The following DNAJC1 variants were observed in gnomAD, a reference collection of about 807,000 sequenced individuals.
The protein encoded by DNAJC1 is dnaJ homolog subfamily C member 1.
In DNAJC1, 58 loss-of-function variants were observed where a neutral mutation model predicts 76.6. That is an observed-to-expected ratio of 0.76 (90% CI 0.61 to 0.94). The LOEUF (loss-of-function observed/expected upper bound fraction) is 0.94. DNAJC1 is among the 40% of genes least tolerant of loss of function. DNAJC1 has a pLI of 0.00. For missense variants in DNAJC1, 689 were observed against 677.3 expected, an observed-to-expected ratio of 1.02 and a Z score of -0.19; for synonymous variants, 258 against 267.9, an observed-to-expected ratio of 0.96 and a Z score of 0.36.
intron 1 of DNAJC1, among the ~76,000 whole-genome samples, chr10:21,997,101 C>T (rs1455707390): frequency 1.3e-5 from 2 of 152,148 alleles, no homozygotes; most frequent in Non-Finnish European, 2.9e-5. Context: ...CTACACTCAA[C>T]ACCACAAGCT....
chr10:21,773,198 T>C (rs1240315274), intron 9 of DNAJC1, among the ~76,000 whole-genome samples: 2 of 152,242 alleles, frequency 1.3e-5, no homozygotes, highest in Non-Finnish European at 1.5e-5. Flanking sequence ...GTTTGTTCTC[T>C]TTCTAGTGTC....
At chr10:21,814,198 G>A (rs1456638090) in intron 8 of DNAJC1, among the ~76,000 whole-genome samples, 1 of 152,070 alleles carries the variant, frequency 6.6e-6, no homozygotes, top group Admixed American at 6.6e-5. Context: ...TCCTTTTACT[G>A]TCTATTAATA....
At chr10:21,797,419 A>G (rs1324460430) in intron 9 of DNAJC1, among the ~76,000 whole-genome samples, 1 of 152,134 alleles carries the variant, frequency 6.6e-6, no homozygotes, top group Admixed American at 6.6e-5. Context: ...AGGTTGTTCT[A>G]GATATTGGGG....
At chr10:21,797,751 T>C (rs1255628658) in intron 9 of DNAJC1, among the ~76,000 whole-genome samples, 1 of 152,192 alleles carries the variant, frequency 6.6e-6, no homozygotes, top group Non-Finnish European at 1.5e-5. Flanking sequence ...TTGTGTGCTC[T>C]CTTGTCCTTC....
At chr10:21,932,152 C>G (rs1290485572) in intron 1 of DNAJC1, among the ~76,000 whole-genome samples, 1 of 152,032 alleles carries the variant, frequency 6.6e-6, no homozygotes, top group Admixed American at 6.5e-5. Flanking sequence ...GCCTGAGCAA[C>G]ATGGAAAAAC....
chr10:21,980,222 GTTCTGTCCA>G (rs1181358949), intron 1 of DNAJC1, among the ~76,000 whole-genome samples: 1 of 151,958 alleles, frequency 6.6e-6, no homozygotes, highest in African/African-American at 2.4e-5. Flanking sequence ...ATATTTCCTA[GTTCTGTCCA>G]TTAAGAAGTA....
chr10:21,834,382 T>C (rs543817086), intron 8 of DNAJC1, among the ~76,000 whole-genome samples: 1 of 152,340 alleles, frequency 6.6e-6, no homozygotes, highest in South Asian at 2.1e-4. Context: ...GGTCTACAGC[T>C]ACCAGCGTGA....
chr10:21,994,949 T>C (rs934568717), intron 1 of DNAJC1, among the ~76,000 whole-genome samples: 1 of 148,496 alleles, frequency 6.7e-6, no homozygotes, highest in Non-Finnish European at 1.5e-5. Context: ...ATATTATATA[T>C]ATTTATACAT....
At chr10:21,770,666 T>C (rs1232621684) in intron 9 of DNAJC1, among the ~76,000 whole-genome samples, 2 of 152,240 alleles carry the variant, frequency 1.3e-5, no homozygotes, top group African/African-American at 2.4e-5. Flanking sequence ...CCCAAAGTGC[T>C]GGGAGTACAG....
At chr10:21,888,317 G>C (rs1836400456) in intron 7 of DNAJC1, among the ~76,000 whole-genome samples, 1 of 152,178 alleles carries the variant, frequency 6.6e-6, no homozygotes, top group South Asian at 2.1e-4. Context: ...CATTATGGAA[G>C]ACAGTATGGT....
At chr10:21,932,244 G>A (rs1837239857) in intron 1 of DNAJC1, among the ~76,000 whole-genome samples, 1 of 152,106 alleles carries the variant, frequency 6.6e-6, no homozygotes, top group African/African-American at 2.4e-5. Context: ...GGAGGCTGAG[G>A]TGGGGGTGTT....
rs1247400072 is a variant in DNAJC1, at chr10:21,766,298, T to C, written c.1110A>G (p.Lys370=). 3 of 1,613,978 alleles carry C rather than the reference T, an allele frequency of 1.9e-6. No individual in the cohort carries two copies. In the South Asian group the frequency reaches 3.3e-5, roughly 18 times the overall value. Residue 370 remains lysine, a synonymous_variant, in exon 10 of 12, where the codon AAA becomes AAG. Coordinates refer to ENST00000376980, the MANE Select transcript of DNAJC1 (RefSeq NM_022365.4). ...LGRSVTDVTT[K]AKQLKDSVTC... ...TCACTGAATCCTTCAGTTGCTTGGC[T>C]TTGGTTGTCACCTGTTTCAAAACAT...
intron 8 of DNAJC1, among the ~76,000 whole-genome samples, chr10:21,874,252 C>CA (rs1702814244): frequency 1.3e-5 from 2 of 151,464 alleles, no homozygotes; most frequent in Admixed American, 1.3e-4. Context: ...GCCGTCCAAA[C>CA]AAAAAAAATA....
intron 1 of DNAJC1, among the ~76,000 whole-genome samples, chr10:21,933,724 C>T (rs1470308132): frequency 6.6e-6 from 1 of 152,108 alleles, no homozygotes; most frequent in African/African-American, 2.4e-5. Flanking sequence ...CAATGAATCG[C>T]ATATATGATG....
At chr10:21,806,303 A>G (rs1834883091) in intron 8 of DNAJC1, among the ~76,000 whole-genome samples, 1 of 152,214 alleles carries the variant, frequency 6.6e-6, no homozygotes, top group Non-Finnish European at 1.5e-5. Flanking sequence ...GCAAAGCTCT[A>G]GAAGCCTATT....
At chr10:21,769,175 C>T (rs112070553) in intron 9 of DNAJC1, among the ~76,000 whole-genome samples, 117 of 152,218 alleles carry the variant, frequency 7.7e-4, no homozygotes, top group African/African-American at 2.6e-3. Context: ...CCCAGCTATT[C>T]GATAATACTT....
intron 8 of DNAJC1, among the ~76,000 whole-genome samples, chr10:21,823,273 CT>C (rs1275031736): frequency 6.6e-6 from 1 of 152,098 alleles, no homozygotes; most frequent in Non-Finnish European, 1.5e-5. Context: ...ACCAGATCTC[CT>C]TATGACCAGT....
chr10:21,995,346 G>A (rs886871547), intron 1 of DNAJC1, among the ~76,000 whole-genome samples: 24 of 152,028 alleles, frequency 1.6e-4, no homozygotes, highest in Non-Finnish European at 2.2e-4. Flanking sequence ...TTTGACTACT[G>A]CTCACTATAC....
chr10:21,874,863 T>A (rs1251840868), intron 8 of DNAJC1, among the ~76,000 whole-genome samples: 1 of 151,992 alleles, frequency 6.6e-6, no homozygotes, highest in Non-Finnish European at 1.5e-5. Flanking sequence ...ATGATAAAAG[T>A]TTTTTTGTTT....
Sources: gnomAD v4.1 joint callset for allele counts (sites outside exome capture counted in the v4.1 genomes callset) on GRCh38, gnomAD v4.1.1 for gene constraint, MANE v1.5 for transcripts, NCBI Gene and HGNC (gene_info 2026-07-23, HGNC 2026-07-21) for gene names.